Variants in FCHSD2 observed in about 807,000 individuals in gnomAD.
FCHSD2 encodes FCH and double SH3 domains 2.
Under a neutral mutation model 108.1 loss-of-function variants are expected in FCHSD2, and 38 were observed. That is an observed-to-expected ratio of 0.35 (90% confidence interval 0.27 to 0.46). FCHSD2 has a LOEUF of 0.46. FCHSD2 is among the 20% of genes least tolerant of loss of function. FCHSD2 has a pLI of 1.00. For missense variants in FCHSD2, 751 were observed against 897.8 expected, an observed-to-expected ratio of 0.84 and a Z score of 2.09; for synonymous variants, 279 against 314.7, an observed-to-expected ratio of 0.89 and a Z score of 1.20.
intron 3 of FCHSD2, among the ~76,000 whole-genome samples, chr11:73,046,268 AG>A (rs1858763151): frequency 6.6e-6 from 1 of 152,184 alleles, no homozygotes; most frequent in African/African-American, 2.4e-5. Flanking sequence ...CTGGGATTAC[AG>A]GTGCAAGCCA....
intron 8 of FCHSD2, among the ~76,000 whole-genome samples, chr11:72,938,479 T>C (rs1358475111): frequency 6.6e-6 from 1 of 152,138 alleles, no homozygotes; most frequent in Non-Finnish European, 1.5e-5. Flanking sequence ...TGGGGAGAAT[T>C]TGCCTTCTAT....
At chr11:73,125,478 G>A (rs960719926) in intron 2 of FCHSD2, among the ~76,000 whole-genome samples, 5 of 152,000 alleles carry the variant, frequency 3.3e-5, no homozygotes, top group African/African-American at 1.2e-4. Flanking sequence ...GCCAAAGAAG[G>A]GGGACTGCTT....
chr11:72,925,974 T>C (rs1856067570), intron 8 of FCHSD2, among the ~76,000 whole-genome samples: 1 of 152,194 alleles, frequency 6.6e-6, no homozygotes, highest in Non-Finnish European at 1.5e-5. Context: ...CTCCCTGTGC[T>C]CCTGGGGGAG....
At chr11:72,994,395 T>C (rs1039220504) in intron 5 of FCHSD2, among the ~76,000 whole-genome samples, 3 of 152,132 alleles carry the variant, frequency 2.0e-5, no homozygotes, top group African/African-American at 7.2e-5. Flanking sequence ...GTAGTAGTAG[T>C]AGTAGCAGCA....
intron 3 of FCHSD2, among the ~76,000 whole-genome samples, chr11:73,030,148 AC>A (rs1858324435): frequency 6.6e-6 from 1 of 152,142 alleles, no homozygotes; most frequent in African/African-American, 2.4e-5. Flanking sequence ...TGATAGCAGT[AC>A]CCCCACAACC....
At chr11:73,023,480 A>G (rs941930528) in intron 3 of FCHSD2, among the ~76,000 whole-genome samples, 2 of 152,226 alleles carry the variant, frequency 1.3e-5, no homozygotes, top group Non-Finnish European at 2.9e-5. Flanking sequence ...AACTAAAATA[A>G]TGTGGTACCA....
chr11:72,931,662 G>A lies in FCHSD2; in HGVS notation c.706-9712C>T, dbSNP rs1856195355. 2.0e-5 allele frequency among the ~76,000 whole-genome samples: 3 copies of A among 152,014 alleles called. No individual in the cohort carries two copies. In the South Asian group the frequency reaches 6.2e-4, roughly 32 times the overall value. On this transcript the variant is annotated intron_variant, in intron 8 of 19. Transcript: ENST00000409418. ...CATCTGTAATCCCAGCTACTTGGGAGGTTGAGTTAGGAGAATTGCTTGGAC... is the reference window on the plus strand; with the variant it reads ...CATCTGTAATCCCAGCTACTTGGGAAGTTGAGTTAGGAGAATTGCTTGGAC...
chr11:72,953,272 A>AT (rs1856650769), intron 8 of FCHSD2, among the ~76,000 whole-genome samples: 1 of 152,218 alleles, frequency 6.6e-6, no homozygotes, highest in Non-Finnish European at 1.5e-5. Context: ...AGATCTCCAG[A>AT]AACCTACTGC....
intron 8 of FCHSD2, chr11:72,940,584 G>C: frequency 7.3e-7 from 1 of 1,371,752 alleles, no homozygotes; most frequent in Non-Finnish European, 1.0e-6. Flanking sequence ...GCTGCTGGCA[G>C]TACTGCCAGC....
At chr11:73,115,323 G>C (rs1860578683) in intron 2 of FCHSD2, among the ~76,000 whole-genome samples, 1 of 152,156 alleles carries the variant, frequency 6.6e-6, no homozygotes, top group Admixed American at 6.5e-5. Flanking sequence ...GGCAATTCAA[G>C]ACTCTCTTTC....
At position 72,864,850 on chromosome 11, in the gene FCHSD2, T is replaced by G. The variant is rs142660548; in HGVS notation, c.1308+3015A>C. Among the ~76,000 whole-genome samples the G allele has an allele frequency of 4.6e-5, 7 of 152,332 alleles. No homozygotes were observed. In the East Asian group the frequency reaches 1.3e-3, roughly 29 times the overall value. Reference sequence around the variant, plus strand: ...GCTGAGTGACACAGGCTGATGGGGTTGCTGGCAGCAATCTAACAGGGGAAG... The same window carrying G: ...GCTGAGTGACACAGGCTGATGGGGTGGCTGGCAGCAATCTAACAGGGGAAG... On this transcript the variant is annotated intron_variant, in intron 13 of 19. Coordinates refer to ENST00000409418, the MANE Select transcript of FCHSD2 (RefSeq NM_014824.3).
chr11:72,842,905 C>T (rs1276644463), intron 16 of FCHSD2, 64 bp from the exon 17 acceptor site: 3 of 1,257,086 alleles, frequency 2.4e-6, no homozygotes, highest in African/African-American at 1.5e-5. Context: ...TTGCAACCAC[C>T]CCTATGCTCA....
At chr11:72,960,246 T>G (rs1856798224) in intron 8 of FCHSD2, among the ~76,000 whole-genome samples, 1 of 152,104 alleles carries the variant, frequency 6.6e-6, no homozygotes, top group Admixed American at 6.5e-5. Flanking sequence ...GTGAACTCAC[T>G]CATTACTGTG....
intron 2 of FCHSD2, among the ~76,000 whole-genome samples, chr11:73,090,391 A>G (rs1859926939): frequency 6.6e-6 from 1 of 151,796 alleles, no homozygotes; most frequent in Admixed American, 6.6e-5. Flanking sequence ...ACGCCCAGCT[A>G]ATTTTTTGTA....
intron 8 of FCHSD2, among the ~76,000 whole-genome samples, chr11:72,971,495 C>CA (rs1024830755): frequency 1.4e-4 from 21 of 152,042 alleles, no homozygotes; most frequent in Non-Finnish European, 2.5e-4. Flanking sequence ...TAGCTAGTAG[C>CA]AAAAAAGTCA....
intron 2 of FCHSD2, among the ~76,000 whole-genome samples, chr11:73,121,654 G>A (rs1290563459): frequency 2.0e-5 from 3 of 148,212 alleles, no homozygotes; most frequent in Non-Finnish European, 3.0e-5. Flanking sequence ...ATTGTTAAGG[G>A]CCAAAAAAAA....
At chr11:73,077,788 A>C in intron 3 of FCHSD2, 1 of 266,652 alleles carries the variant, frequency 3.8e-6, no homozygotes, top group Non-Finnish European at 7.5e-6. Context: ...CACACAGGAA[A>C]ACTCTGGGGG....
chr11:72,898,621 A>C (rs553522228), intron 10 of FCHSD2, among the ~76,000 whole-genome samples: 24 of 152,270 alleles, frequency 1.6e-4, no homozygotes, highest in Middle Eastern at 3.4e-3. Flanking sequence ...CACTTTCATC[A>C]TCAAGTCTAC....
intron 3 of FCHSD2, among the ~76,000 whole-genome samples, chr11:73,082,598 TAA>T (rs1859721968): frequency 6.6e-6 from 1 of 151,960 alleles, no homozygotes; most frequent in Non-Finnish European, 1.5e-5. Flanking sequence ...TGACAAAGCC[TAA>T]AAGAGTCATG....
Sources: allele counts gnomAD v4.1 joint callset (sites outside exome capture counted in the v4.1 genomes callset), GRCh38; gene constraint gnomAD v4.1.1; transcripts MANE v1.5; gene names NCBI Gene and HGNC (gene_info 2026-07-23, HGNC 2026-07-21).